ZMYND8: variants seen among roughly 807,000 people sequenced by gnomAD.
The protein encoded by ZMYND8 is zinc finger MYND-type containing 8.
In ZMYND8, 37 loss-of-function variants were observed where a neutral mutation model predicts 140.8. That is an observed-to-expected ratio of 0.26 (90% CI 0.20 to 0.35). The LOEUF (loss-of-function observed/expected upper bound fraction) is 0.35. ZMYND8 is among the 10% of genes least tolerant of loss of function. The probability of loss-of-function intolerance (pLI) is 1.00; values close to 1 mark genes in which losing one functional copy is unlikely to be tolerated. For missense variants in ZMYND8, 1,068 were observed against 1,570.0 expected, an observed-to-expected ratio of 0.68 and a Z score of 5.40; for synonymous variants, 592 against 597.1, an observed-to-expected ratio of 0.99 and a Z score of 0.12.
chr20:47,259,599 T>C (rs1419172167), intron 12 of ZMYND8, among the ~76,000 whole-genome samples: 1 of 152,046 alleles, frequency 6.6e-6, no homozygotes, highest in Non-Finnish European at 1.5e-5. Flanking sequence ...GAAACCCCCA[T>C]ACTGGAGGCT....
intron 2 of ZMYND8, among the ~76,000 whole-genome samples, chr20:47,334,422 C>A (rs1052606954): frequency 6.6e-6 from 1 of 151,906 alleles, no homozygotes; most frequent in African/African-American, 2.4e-5. Context: ...TGTATGATTC[C>A]ATTTATATGA....
intron 5 of ZMYND8, among the ~76,000 whole-genome samples, chr20:47,293,153 AGGGAGGGAGGG>A (rs2077394174): frequency 6.3e-5 from 3 of 47,694 alleles, no homozygotes; most frequent in African/African-American, 2.2e-4. Flanking sequence ...GAAGGAAGGG[AGGGAGGGAGGG>A]AGGGAGGGAG....
intron 2 of ZMYND8, chr20:47,319,400 TG>T (rs1027062451): frequency 8.7e-6 from 2 of 229,734 alleles, no homozygotes; most frequent in African/African-American, 4.6e-5. Context: ...GAAACAGCTG[TG>T]GTTTGCATTT....
chr20:47,243,757 T>C (rs988603995), intron 14 of ZMYND8, among the ~76,000 whole-genome samples: 22 of 152,188 alleles, frequency 1.4e-4, no homozygotes, highest in African/African-American at 5.3e-4. Context: ...AACCAATCAA[T>C]CAAAAGATCT....
intron 2 of ZMYND8, among the ~76,000 whole-genome samples, chr20:47,326,199 C>A (rs1169647894): frequency 2.0e-5 from 3 of 152,168 alleles, no homozygotes; most frequent in Non-Finnish European, 4.4e-5. Flanking sequence ...ACCTCGTGAT[C>A]CGCCTGCCTC....
At chr20:47,342,178 GAACA>G (rs995872861) in intron 2 of ZMYND8, among the ~76,000 whole-genome samples, 13 of 151,280 alleles carry the variant, frequency 8.6e-5, no homozygotes, top group East Asian at 3.9e-4. Flanking sequence ...TCTCAAAAAC[GAACA>G]AACAAACAAA....
Position 47,287,098 on chromosome 20 carries a change from G to A in ZMYND8, c.804+131C>T, listed in dbSNP as rs1006128001. 2.1e-5 allele frequency: 15 copies of A among 719,436 alleles called. No homozygotes were observed. In the Admixed American group the frequency reaches 2.3e-4, roughly 11 times the overall value. The allele number at this position is 719,436 out of a possible 1,614,324, so 44.6% of individuals were successfully genotyped here. A position where few individuals can be genotyped will look rare whatever the true frequency, so the allele number is the denominator to read the frequency against. On this transcript the variant is annotated intron_variant, in intron 8 of 22. Transcript: ENST00000471951. ...TTGTTCTTTTTACTTTCCTTGAAGA[G>A]TAGGGGTGTGGCCTCAACAAATTCC...
chr20:47,321,647 A>G (rs1330469373), intron 2 of ZMYND8, among the ~76,000 whole-genome samples: 2 of 152,154 alleles, frequency 1.3e-5, no homozygotes, highest in African/African-American at 4.8e-5. Context: ...TTCAGACTTC[A>G]AAGAAAATAA....
chr20:47,303,203 A>AG (rs536069311), intron 3 of ZMYND8, among the ~76,000 whole-genome samples: 153 of 152,188 alleles, frequency 1.0e-3, no homozygotes, highest in Middle Eastern at 3.4e-3. Context: ...AGCAGCAGGA[A>AG]GGGGAAGAGA....
At chr20:47,220,138 G>C in intron 21 of ZMYND8, 120 bp downstream of exon 21, 3 of 726,894 alleles carry the variant, frequency 4.1e-6, no homozygotes, top group Non-Finnish European at 6.5e-6. Flanking sequence ...GCACCCCTAA[G>C]GATCCATAAT....
chr20:47,291,653 T>C, intron 6 of ZMYND8, 143 bp downstream of exon 6: 1 of 490,352 alleles, frequency 2.0e-6, no homozygotes, highest in Non-Finnish European at 3.4e-6. Flanking sequence ...AGTTCTTCTA[T>C]CCAAATAAAG....
intron 20 of ZMYND8, among the ~76,000 whole-genome samples, 166 bp from the exon 21 acceptor site, chr20:47,220,490 G>A (rs2036791160): frequency 1.3e-5 from 2 of 152,304 alleles, no homozygotes; most frequent in South Asian, 4.1e-4. Flanking sequence ...GCGGCCAGGT[G>A]GCCAAACCCC....
intron 9 of ZMYND8, among the ~76,000 whole-genome samples, chr20:47,282,589 G>C (rs1211244359): frequency 2.6e-5 from 4 of 152,144 alleles, no homozygotes; most frequent in African/African-American, 9.7e-5. Flanking sequence ...ACCAGGCGTG[G>C]TGGCACACGC....
At chr20:47,273,527 C>G (rs747016445) in intron 11 of ZMYND8, among the ~76,000 whole-genome samples, 6 of 152,146 alleles carry the variant, frequency 3.9e-5, no homozygotes, top group Non-Finnish European at 7.4e-5. Context: ...GCCTGGGCAA[C>G]AGAGCAAGAC....
intron 15 of ZMYND8, among the ~76,000 whole-genome samples, chr20:47,237,150 C>CT (rs888571132): frequency 0.038 from 5,405 of 140,600 alleles, 196 homozygotes; most frequent in East Asian, 0.15. Context: ...TGGCAGCGCT[C>CT]TTTTTTTTTT....
intron 17 of ZMYND8, 138 bp from the exon 18 acceptor site, chr20:47,227,419 T>A (rs2037857865): frequency 1.3e-6 from 1 of 789,624 alleles, no homozygotes; most frequent in East Asian, 2.7e-5. Flanking sequence ...AGAGAGGTGA[T>A]CACTGGTGGG....
At chr20:47,285,930 CCTATA>C (rs2076891328) in intron 8 of ZMYND8, 7 of 774,604 alleles carry the variant, frequency 9.0e-6, no homozygotes, top group Non-Finnish European at 1.1e-5. Flanking sequence ...GTGGCTGAGG[CCTATA>C]TTCCCAGCGT....
chr20:47,348,932 A>C (rs2082554394), intron 1 of ZMYND8: 1 of 152,296 alleles, frequency 6.6e-6, no homozygotes, highest in Admixed American at 6.5e-5. Flanking sequence ...CAATTCCATC[A>C]GACTGTCGTT....
chr20:47,258,147 C>T (rs2074890589), intron 12 of ZMYND8, among the ~76,000 whole-genome samples: 1 of 152,222 alleles, frequency 6.6e-6, no homozygotes, highest in African/African-American at 2.4e-5. Context: ...GCAAGAGCCA[C>T]ATCCTTTACA....
Sources: allele counts gnomAD v4.1 joint callset (sites outside exome capture counted in the v4.1 genomes callset), GRCh38; gene constraint gnomAD v4.1.1; transcripts MANE v1.5; gene names NCBI Gene and HGNC (gene_info 2026-07-23, HGNC 2026-07-21).